Variants in LVRN observed in about 807,000 individuals in gnomAD.
LVRN encodes laeverin, also known as aminopeptidase Q.
Under a neutral mutation model 111.4 loss-of-function variants are expected in LVRN, and 99 were observed. The observed-to-expected ratio is 0.89, with a 90% CI of 0.76 to 1.05. The LOEUF (loss-of-function observed/expected upper bound fraction) is 1.05, where lower values mean the gene tolerates loss of function less well. Ranked by LOEUF, LVRN falls within the 50% of genes least tolerant of loss-of-function variation. LVRN has a pLI of 0.00. For synonymous variants in LVRN, 488 were observed against 449.5 expected, an observed-to-expected ratio of 1.09 and a Z score of -1.08; for missense variants, 1,414 against 1,206.8, an observed-to-expected ratio of 1.17 and a Z score of -2.54.
intron 1 of LVRN, among the ~76,000 whole-genome samples, chr5:115,969,345 G>A (rs1340625879): frequency 6.6e-6 from 1 of 151,944 alleles, no homozygotes; most frequent in East Asian, 1.9e-4. Context: ...TGACATTACA[G>A]GCAGGTCCTG....
intron 16 of LVRN, 61 bp downstream of exon 16, chr5:116,014,588 T>C (rs1748560378): frequency 2.2e-6 from 3 of 1,340,484 alleles, no homozygotes; most frequent in Non-Finnish European, 3.2e-6. Context: ...CAATTTCCCT[T>C]TTTGATGTAC....
intron 1 of LVRN, among the ~76,000 whole-genome samples, 168 bp downstream of exon 1, chr5:115,963,480 T>C (rs1309985854): frequency 1.3e-5 from 2 of 152,224 alleles, no homozygotes; most frequent in Admixed American, 6.5e-5. Context: ...TATTATACTT[T>C]AAGTTCTAGG....
At chr5:115,964,537 T>G (rs1397157007) in intron 1 of LVRN, among the ~76,000 whole-genome samples, 3 of 152,206 alleles carry the variant, frequency 2.0e-5, no homozygotes, top group Non-Finnish European at 4.4e-5. Flanking sequence ...GAAATTACTG[T>G]GTAGGTCAGG....
chr5:116,005,698 A>T, intron 12 of LVRN: 1 of 619,042 alleles, frequency 1.6e-6, no homozygotes, highest in Non-Finnish European at 3.0e-6. Flanking sequence ...AAACCTTATG[A>T]TTGATGTCCA....
intron 12 of LVRN, 126 bp downstream of exon 12, chr5:116,003,506 A>G (rs1748284805): frequency 1.9e-6 from 1 of 539,884 alleles, no homozygotes; most frequent in South Asian, 5.5e-5. Context: ...CCAGGCATGC[A>G]AAAGATTTTT....
chr5:115,972,074 AT>A (rs1753339129), intron 1 of LVRN, among the ~76,000 whole-genome samples: 1 of 152,118 alleles, frequency 6.6e-6, no homozygotes, highest in South Asian at 2.1e-4. Context: ...AAATTCAAGT[AT>A]TTTTATGAAT....
At chr5:116,000,782 CT>C in intron 9 of LVRN, 124 bp downstream of exon 9, 2 of 1,056,932 alleles carry the variant, frequency 1.9e-6, no homozygotes, top group Non-Finnish European at 2.8e-6. Flanking sequence ...GTAGAACTCC[CT>C]TAGGTCATGG....
chr5:115,997,110 A>G (rs1748130044), intron 6 of LVRN, among the ~76,000 whole-genome samples: 1 of 152,184 alleles, frequency 6.6e-6, no homozygotes, highest in African/African-American at 2.4e-5. Flanking sequence ...CCTATTTGCT[A>G]TCCGTTGTGC....
At position 116,010,732 on chromosome 5, in the gene LVRN, A is replaced by G. The variant is rs945789720; in HGVS notation, c.2094-9A>G. 6.3e-7 allele frequency: 1 copy of G among 1,581,600 alleles called. No individual in the cohort carries two copies. Among genetic ancestry groups the G allele is most frequent in the African/African-American group, 1.4e-5 (1 of 73,254 alleles). ...GTTTTTTGAGTGTGTGTGTTTTTAA[A>G]TCAAACAGAAACAATTATATTGAGA... On this transcript the variant is annotated splice_polypyrimidine_tract_variant and intron_variant, in intron 13 of 19. Coordinates refer to ENST00000357872, the MANE Select transcript of LVRN (RefSeq NM_173800.5).
intron 6 of LVRN, among the ~76,000 whole-genome samples, chr5:115,997,772 CTAGA>C (rs575592857): frequency 2.8e-4 from 43 of 152,194 alleles, no homozygotes; most frequent in African/African-American, 6.3e-4. Context: ...TATGCAGTAG[CTAGA>C]TAGTTTTTTT....
rs760105766 is a variant in LVRN, at chr5:116,012,352, G to C, written c.2248-22G>C. The C allele has an allele frequency of 6.3e-6, 8 of 1,275,404 alleles. No individual in the cohort carries two copies. In the East Asian group the frequency reaches 1.9e-4, roughly 31 times the overall value. The allele number at this position is 1,275,404 out of a possible 1,614,324, so 79.0% of individuals were successfully genotyped here. A position where few individuals can be genotyped will look rare whatever the true frequency, so the allele number is the denominator to read the frequency against. The stretch of plus-strand genomic sequence containing the variant: ...GTGTTTGCAAGCCAGAACTAACAGT[G>C]TATTTTCTTTATTGTTTATAGAGGT... On this transcript the variant is annotated intron_variant, in intron 14 of 19. Transcript: ENST00000357872.
At chr5:115,990,799 T>TCCA (rs1359092926) in intron 4 of LVRN, among the ~76,000 whole-genome samples, 3 of 152,150 alleles carry the variant, frequency 2.0e-5, no homozygotes. Context: ...CTTGAACTCC[T>TCCA]GATCTCAAGT....
At position 116,014,477 on chromosome 5, in the gene LVRN, T is replaced by C. The variant is rs200184564; in HGVS notation, c.2400T>C (p.Leu800=). 6.2e-7 allele frequency: 1 copy of C among 1,613,662 alleles called. No individual in the cohort carries two copies. Among genetic ancestry groups the C allele is most frequent in the African/African-American group, 1.3e-5 (1 of 75,008 alleles). ...GTTGGTTGGGCCTTGAAGACTGCCT[T>C]CAGCTGTCAAAAGAACTTTTCGCAA... The part of the protein sequence containing the change: ...TACWLGLEDC[L]QLSKELFAKW... The change falls in exon 16 of 20, where the codon CTT becomes CTC. Residue 800 remains leucine, a synonymous_variant. Transcript: ENST00000357872.
At chr5:115,992,073 A>AT in intron 4 of LVRN, 50 bp from the exon 5 acceptor site, 2 of 1,526,932 alleles carry the variant, frequency 1.3e-6, no homozygotes, top group Non-Finnish European at 1.8e-6. Context: ...AAAAAATCCC[A>AT]TTTTTTGGAA....
intron 4 of LVRN, among the ~76,000 whole-genome samples, chr5:115,990,156 T>C (rs936817353): frequency 3.3e-5 from 5 of 152,202 alleles, no homozygotes; most frequent in Non-Finnish European, 7.3e-5. Flanking sequence ...GCTATCATTT[T>C]AATTCACTCT....
At chr5:115,983,784 T>C (rs892713365) in intron 2 of LVRN, among the ~76,000 whole-genome samples, 5 of 152,200 alleles carry the variant, frequency 3.3e-5, no homozygotes, top group Admixed American at 6.5e-5. Context: ...TTTTTTCTTT[T>C]GATTAAATCA....
At chr5:115,964,809 TA>T (rs1753168419) in intron 1 of LVRN, among the ~76,000 whole-genome samples, 1 of 152,220 alleles carries the variant, frequency 6.6e-6, no homozygotes, top group African/African-American at 2.4e-5. Flanking sequence ...GAAATCTTAA[TA>T]AAGTTCTACA....
rs1379582475 is a variant in LVRN at position 116,001,166 on chromosome 5, G to A, written c.1747G>A (p.Val583Met). 2 of 1,613,906 alleles carry A rather than the reference G, an allele frequency of 1.2e-6. No individual in the cohort carries two copies. Among genetic ancestry groups the A allele is most frequent in the Non-Finnish European group, 1.7e-6 (2 of 1,179,976 alleles). Residue 583 changes from valine (V) to methionine (M), a missense_variant, in exon 10 of 20, where the codon GTG (valine) becomes ATG (methionine). Transcript: ENST00000357872. ...QSGFPVITLNVSTGVMKQEPF... is the reference protein window; with the variant it reads ...QSGFPVITLNMSTGVMKQEPF... ...TGGTTTTCCAGTGATCACTTTAAAT[G>A]TGTCTACTGGCGTCATGAAACAGGA...
chr5:115,990,892 A>G (rs1315648172), intron 4 of LVRN, among the ~76,000 whole-genome samples: 2 of 152,174 alleles, frequency 1.3e-5, no homozygotes, highest in African/African-American at 4.8e-5. Context: ...ATATAAATAG[A>G]CTATTTTTAG....
Sources: gnomAD v4.1 joint callset for allele counts (sites outside exome capture counted in the v4.1 genomes callset) on GRCh38, gnomAD v4.1.1 for gene constraint, MANE v1.5 for transcripts, NCBI Gene and HGNC (gene_info 2026-07-23, HGNC 2026-07-21) for gene names.